The following CCSER1 variants were observed in gnomAD, a reference collection of about 807,000 sequenced individuals.
CCSER1 encodes the protein serine-rich coiled-coil domain-containing protein 1.
Under a neutral mutation model 82.0 loss-of-function variants are expected in CCSER1, and 41 were observed. The observed-to-expected ratio is 0.50, with a 90% confidence interval of 0.39 to 0.65. The LOEUF (loss-of-function observed/expected upper bound fraction) is 0.65, where lower values mean the gene tolerates loss of function less well. Ranked by LOEUF, CCSER1 falls within the 30% of genes least tolerant of loss-of-function variation. The pLI is 0.00. For synonymous variants in CCSER1, 414 were observed against 383.9 expected, an observed-to-expected ratio of 1.08 and a Z score of -0.92; for missense variants, 1,119 against 1,064.2, an observed-to-expected ratio of 1.05 and a Z score of -0.72.
chr4:90,248,595 G>A (rs1226828498), intron 1 of CCSER1, among the ~76,000 whole-genome samples: 6 of 151,996 alleles, frequency 3.9e-5, no homozygotes, highest in Admixed American at 3.9e-4. Flanking sequence ...GTAACTCTCC[G>A]ATGCTACTTC....
chr4:91,352,348 G>A (rs979867168), intron 10 of CCSER1, among the ~76,000 whole-genome samples: 1 of 152,216 alleles, frequency 6.6e-6, no homozygotes, highest in Non-Finnish European at 1.5e-5. Context: ...CTAGGTTCAA[G>A]CAATTCTCCT....
chr4:91,097,648 T>C (rs1010514954), intron 10 of CCSER1, among the ~76,000 whole-genome samples: 1 of 152,214 alleles, frequency 6.6e-6, no homozygotes, highest in Non-Finnish European at 1.5e-5. Context: ...AATAACTTTA[T>C]AGACATACTC....
chr4:91,573,728 C>G (rs6855442), intron 10 of CCSER1, among the ~76,000 whole-genome samples: 10,424 of 152,162 alleles, frequency 0.069, 537 homozygotes, highest in South Asian at 0.16. Flanking sequence ...AGTCCCAATG[C>G]AAGTACCTGG....
intron 1 of CCSER1, among the ~76,000 whole-genome samples, chr4:90,263,172 G>A (rs374208614): frequency 2.6e-5 from 4 of 152,134 alleles, no homozygotes; most frequent in Non-Finnish European, 5.9e-5. Flanking sequence ...CCTGCCATCC[G>A]GATTCTTTTG....
chr4:90,758,871 C>T (rs755660780), intron 7 of CCSER1, among the ~76,000 whole-genome samples: 10 of 152,088 alleles, frequency 6.6e-5, no homozygotes, highest in Non-Finnish European at 1.0e-4. Flanking sequence ...GTTTGTATAT[C>T]TCATGGTGAT....
chr4:90,901,130 A>G (rs1473763264), intron 8 of CCSER1, among the ~76,000 whole-genome samples: 2 of 151,804 alleles, frequency 1.3e-5, no homozygotes, highest in Non-Finnish European at 2.9e-5. Context: ...CTTGTTTTTC[A>G]TTTGCATGAT....
chr4:90,454,588 C>G (rs1004184354), intron 4 of CCSER1, among the ~76,000 whole-genome samples: 3 of 152,078 alleles, frequency 2.0e-5, no homozygotes, highest in African/African-American at 7.2e-5. Context: ...TTCCATTCTC[C>G]CATTTCATCA....
chr4:90,185,968 A>G lies in CCSER1; in HGVS notation c.-42+58137A>G, dbSNP rs1273687012. On this transcript the variant is annotated intron_variant, in intron 1 of 10. Coordinates refer to ENST00000509176, the MANE Select transcript of CCSER1 (RefSeq NM_001145065.2). ...TTCACTGAATTGAATTGCAATTCAT[A>G]TTGTGCCACATTAGGTTCCTCACAA... Among the ~76,000 whole-genome samples, 4 of 151,986 alleles carry G rather than the reference A, an allele frequency of 2.6e-5. No homozygotes were observed. In the South Asian group the frequency reaches 6.2e-4, roughly 24 times the overall value.
rs1000284481 is a variant in CCSER1, at chr4:91,384,483, TAAA to T, written c.2218-214084_2218-214082del. ...TTAAACAGTCAAAAATCTTTTTTTT[TAAA>T]AAAATAAATGCTGTTAGGATAACAA... On this transcript the variant is annotated intron_variant, in intron 10 of 10. Coordinates refer to ENST00000509176, the MANE Select transcript of CCSER1 (RefSeq NM_001145065.2). Among the ~76,000 whole-genome samples, 14 of 151,902 alleles carry T rather than the reference TAAA, an allele frequency of 9.2e-5. 1 individual carries two copies. The South Asian group carries it at 2.9e-3, about 32-fold the overall frequency.
intron 10 of CCSER1, among the ~76,000 whole-genome samples, chr4:91,141,767 T>C (rs1384652450): frequency 2.0e-5 from 3 of 152,194 alleles, no homozygotes; most frequent in Non-Finnish European, 4.4e-5. Flanking sequence ...GCATTCCCAT[T>C]TCTCTGCAGC....
intron 8 of CCSER1, among the ~76,000 whole-genome samples, chr4:90,846,627 A>C (rs1763264426): frequency 6.6e-6 from 1 of 152,184 alleles, no homozygotes; most frequent in Non-Finnish European, 1.5e-5. Context: ...AATTACTGAT[A>C]ACTGTAGTCA....
chr4:90,468,688 T>C (rs1419182961), intron 5 of CCSER1: 2 of 164,046 alleles, frequency 1.2e-5, no homozygotes, highest in African/African-American at 4.8e-5. Flanking sequence ...TTTAATGATA[T>C]AAAATGAAAT....
At chr4:90,831,881 A>G (rs1406297542) in intron 8 of CCSER1, among the ~76,000 whole-genome samples, 2 of 152,112 alleles carry the variant, frequency 1.3e-5, no homozygotes, top group African/African-American at 2.4e-5. Flanking sequence ...CCTTTTTGAT[A>G]TATTCATATG....
intron 10 of CCSER1, among the ~76,000 whole-genome samples, chr4:91,569,706 G>C (rs1257147137): frequency 1.3e-5 from 2 of 152,026 alleles, no homozygotes; most frequent in Non-Finnish European, 2.9e-5. Context: ...TCTCCCACCA[G>C]GTCCCCCCCA....
At chr4:91,326,185 A>T (rs1360471314) in intron 10 of CCSER1, among the ~76,000 whole-genome samples, 4 of 152,208 alleles carry the variant, frequency 2.6e-5, no homozygotes, top group Non-Finnish European at 5.9e-5. Flanking sequence ...CCACTGCATT[A>T]TTCTGTTCTC....
intron 9 of CCSER1, among the ~76,000 whole-genome samples, chr4:91,011,464 G>A (rs62309834): frequency 0.57 from 75,618 of 131,672 alleles, 28,553 homozygotes; most frequent in Non-Finnish European, 0.71. Flanking sequence ...GACTCAGGGT[G>A]TCAAGAACCT....
At chr4:90,814,824 T>C (rs1024912924) in intron 7 of CCSER1, among the ~76,000 whole-genome samples, 2 of 152,180 alleles carry the variant, frequency 1.3e-5, no homozygotes, top group Non-Finnish European at 2.9e-5. Flanking sequence ...CAAATCACCA[T>C]AACATTTTAA....
At chr4:91,083,677 A>C (rs142428274) in intron 9 of CCSER1, among the ~76,000 whole-genome samples, 67 of 152,282 alleles carry the variant, frequency 4.4e-4, no homozygotes, top group African/African-American at 1.6e-3. Flanking sequence ...ATAATATCAA[A>C]ATTAAACTTC....
intron 9 of CCSER1, among the ~76,000 whole-genome samples, chr4:90,945,822 C>T (rs1446777544): frequency 1.3e-5 from 2 of 152,122 alleles, no homozygotes; most frequent in Non-Finnish European, 2.9e-5. Flanking sequence ...TAATGGCTAA[C>T]ATTTTTTTTT....
Sources: allele counts gnomAD v4.1 joint callset (sites outside exome capture counted in the v4.1 genomes callset), GRCh38; gene constraint gnomAD v4.1.1; transcripts MANE v1.5; gene names NCBI Gene and HGNC (gene_info 2026-07-23, HGNC 2026-07-21).